The following SMG1 variants were observed in gnomAD, a reference collection of about 807,000 sequenced individuals.
SMG1 encodes the protein SMG1 nonsense mediated mRNA decay associated PI3K related kinase.
Under a neutral mutation model 419.9 loss-of-function variants are expected in SMG1, and 22 were observed. The ratio of observed to expected loss-of-function variants is 0.05; its 90% CI spans 0.04 to 0.07. The LOEUF is 0.07. SMG1 is among the 10% of genes least tolerant of loss of function. SMG1 has a pLI of 1.00. For synonymous variants in SMG1, 1,538 were observed against 1,553.5 expected, an observed-to-expected ratio of 0.99 and a Z score of 0.23; for missense variants, 3,185 against 4,342.0, an observed-to-expected ratio of 0.73 and a Z score of 7.49.
intron 54 of SMG1, among the ~76,000 whole-genome samples, chr16:18,828,505 C>G (rs1036031235): frequency 6.9e-6 from 1 of 144,858 alleles, no homozygotes; most frequent in African/African-American, 2.4e-5. Flanking sequence ...GAATACAAAT[C>G]CATCTCACCC....
intron 62 of SMG1, among the ~76,000 whole-genome samples, chr16:18,810,474 C>T (rs574828358): frequency 6.6e-6 from 1 of 152,312 alleles, no homozygotes; most frequent in Admixed American, 6.5e-5. Flanking sequence ...CAAGGATGGA[C>T]AGTCCCTGAC....
At chr16:18,815,694 T>C (rs1393970274) in intron 58 of SMG1, 43 bp from the exon 59 acceptor site, 1 of 1,541,556 alleles carries the variant, frequency 6.5e-7, no homozygotes, top group Non-Finnish European at 8.9e-7. Context: ...AGTTTTAGTA[T>C]CAGTAATTAC....
intron 1 of SMG1, among the ~76,000 whole-genome samples, chr16:18,899,338 T>G (rs1453663481): frequency 6.6e-6 from 1 of 152,004 alleles, no homozygotes. Flanking sequence ...ACTGAGATTT[T>G]TTTCCCAAAA....
intron 20 of SMG1, 36 bp from the exon 21 acceptor site, chr16:18,868,755 T>C (rs759703109): frequency 9.1e-6 from 8 of 883,628 alleles, no homozygotes; most frequent in Admixed American, 2.6e-5. Context: ...TTTTTAAAAA[T>C]CTTAAAAGTT....
rs1214313917 is a variant in SMG1 at position 18,821,496 on chromosome 16, T to C, written c.9742-1842A>G. ...TTCAATTCCCACCTATGAGTGAGAA[T>C]ATGCGGTGTTTGGTTTTTTGTTCTT... On this transcript the variant is annotated intron_variant, in intron 55 of 62. Coordinates refer to ENST00000446231, the MANE Select transcript of SMG1 (RefSeq NM_015092.5). Among the ~76,000 whole-genome samples the C allele has an allele frequency of 2.3e-4, 3 of 12,924 alleles. 1 individual carries two copies. The Admixed American group carries it at 3.2e-3, about 14-fold the overall frequency. 8.5% of individuals were successfully genotyped at this position (12,924 alleles called of 152,430 possible). A position where few individuals can be genotyped will look rare whatever the true frequency, so the allele number is the denominator to read the frequency against.
intron 1 of SMG1, among the ~76,000 whole-genome samples, chr16:18,917,629 G>A (rs2038028663): frequency 6.6e-6 from 1 of 151,504 alleles, no homozygotes; most frequent in South Asian, 2.1e-4. Context: ...CCAAGCTGGA[G>A]TGCAACGGCG....
At chr16:18,837,093 T>C (rs1402005573) in intron 46 of SMG1, among the ~76,000 whole-genome samples, 160 bp downstream of exon 46, 1 of 152,230 alleles carries the variant, frequency 6.6e-6, no homozygotes, top group African/African-American at 2.4e-5. Flanking sequence ...ACAATTTCAG[T>C]GAATTTTTGT....
chr16:18,921,070 G>A (rs2038178391), intron 1 of SMG1, among the ~76,000 whole-genome samples: 1 of 151,216 alleles, frequency 6.6e-6, no homozygotes. Flanking sequence ...CCAGGAGGTG[G>A]AGGTTACAAG....
rs576054436 is a variant in SMG1, at chr16:18,819,210, A to T, written c.9894+292T>A. 2.6e-5 allele frequency among the ~76,000 whole-genome samples: 4 copies of T among 151,864 alleles called. No individual in the cohort carries two copies. The South Asian group carries it at 8.3e-4, about 31-fold the overall frequency. On this transcript the variant is annotated intron_variant, in intron 56 of 62. Transcript: ENST00000446231. Reference sequence around the variant, plus strand: ...AATCTTTGGATCACTTTAGTTGTATAAAAGAGACCCAGAGAACCTTAAACA... The same window carrying T: ...AATCTTTGGATCACTTTAGTTGTATTAAAGAGACCCAGAGAACCTTAAACA...
At chr16:18,818,078 TAAA>T (rs34054818) in intron 56 of SMG1, among the ~76,000 whole-genome samples, 4 of 141,864 alleles carry the variant, frequency 2.8e-5, no homozygotes, top group Non-Finnish European at 3.1e-5. Flanking sequence ...CATGCCTAGC[TAAA>T]AAAAAAAAAA....
At chr16:18,890,071 A>G (rs2036808984) in intron 5 of SMG1, among the ~76,000 whole-genome samples, 1 of 152,240 alleles carries the variant, frequency 6.6e-6, no homozygotes, top group African/African-American at 2.4e-5. Context: ...CAGCTGAGAT[A>G]AATTTTGGGT....
At chr16:18,887,673 A>T (rs1380461478) in intron 6 of SMG1, among the ~76,000 whole-genome samples, 31 of 22,234 alleles carry the variant, frequency 1.4e-3, no homozygotes, top group Admixed American at 1.8e-3. Flanking sequence ...CTTTTTATTT[A>T]AAAAAAAAAA....
intron 1 of SMG1, among the ~76,000 whole-genome samples, chr16:18,903,104 C>A (rs1359116254): frequency 1.3e-5 from 2 of 152,170 alleles, no homozygotes; most frequent in African/African-American, 4.8e-5. Context: ...GGATTACAGG[C>A]ATAAGCCACT....
intron 1 of SMG1, among the ~76,000 whole-genome samples, chr16:18,914,234 G>A (rs925715616): frequency 6.6e-6 from 1 of 151,004 alleles, no homozygotes; most frequent in Non-Finnish European, 1.5e-5. Flanking sequence ...GTCTATAATA[G>A]GTTTTTAAAT....
At chr16:18,832,903 C>G (rs1214594683) in intron 51 of SMG1, 37 bp downstream of exon 51, 1 of 1,576,968 alleles carries the variant, frequency 6.3e-7, no homozygotes, top group East Asian at 2.2e-5. Context: ...TGTCCCATCT[C>G]TTTTACAAGG....
At chr16:18,925,908 G>A (rs2038383016) in intron 1 of SMG1, 42 bp downstream of exon 1, 1 of 1,452,850 alleles carries the variant, frequency 6.9e-7, no homozygotes, top group Non-Finnish European at 9.2e-7. Flanking sequence ...GCCCGAGGCG[G>A]AGCCCGGGAG....
rs924901403 is a variant in SMG1 at position 18,808,236 on chromosome 16, A to G, written c.*1333T>C. On this transcript the variant is annotated 3_prime_UTR_variant, in exon 63 of 63. Coordinates refer to ENST00000446231, the MANE Select transcript of SMG1 (RefSeq NM_015092.5). ...AATTCACTATAATGTATTACTGAAT[A>G]GCAAGCTATTAAAATTGTGCAAAAA... 6.6e-6 allele frequency: 1 copy of G among 152,262 alleles called. No individual in the cohort carries two copies. Among genetic ancestry groups the G allele is most frequent in the African/African-American group, 2.4e-5 (1 of 41,468 alleles). The allele number at this position is 152,262 out of a possible 1,614,324, so 9.4% of individuals were successfully genotyped here.
At chr16:18,905,978 C>T (rs1215323531) in intron 1 of SMG1, among the ~76,000 whole-genome samples, 3 of 152,060 alleles carry the variant, frequency 2.0e-5, no homozygotes, top group African/African-American at 7.2e-5. Flanking sequence ...CTTGCCTATA[C>T]CCTTAACTCT....
chr16:18,844,629 A>C (rs1304064867), intron 39 of SMG1, among the ~76,000 whole-genome samples: 4 of 147,176 alleles, frequency 2.7e-5, no homozygotes, highest in Non-Finnish European at 6.0e-5. Flanking sequence ...TTCATCCTTC[A>C]TGTTAGTTTT....
Sources: allele counts gnomAD v4.1 joint callset (sites outside exome capture counted in the v4.1 genomes callset), GRCh38; gene constraint gnomAD v4.1.1; transcripts MANE v1.5; gene names NCBI Gene and HGNC (gene_info 2026-07-23, HGNC 2026-07-21).